The following AGMO variants were observed in gnomAD, a reference collection of about 807,000 sequenced individuals.
The protein encoded by AGMO is glyceryl-ether monooxygenase.
AGMO carries 75 observed loss-of-function variants against 60.2 expected under a neutral mutation model. That is an observed-to-expected ratio of 1.25 (90% CI 1.03 to 1.51). AGMO has a LOEUF of 1.51. Among genes scored for constraint, AGMO ranks in the 40% most tolerant of loss-of-function variants. The probability of loss-of-function intolerance (pLI) is 0.00; values close to 1 mark genes in which losing one functional copy is unlikely to be tolerated. For missense variants in AGMO, 763 were observed against 525.5 expected, an observed-to-expected ratio of 1.45 and a Z score of -4.42; for synonymous variants, 261 against 177.1, an observed-to-expected ratio of 1.47 and a Z score of -3.76.
the AGMO span, among the ~76,000 whole-genome samples, chr7:15,131,387 T>C: frequency 6.6e-6 from 1 of 152,220 alleles, no homozygotes; most frequent in East Asian, 1.9e-4. Flanking sequence ...AGCTCCAACT[T>C]ACAAACCTCA....
At chr7:15,482,607 A>G (rs1782789163) in intron 3 of AGMO, among the ~76,000 whole-genome samples, 1 of 152,316 alleles carries the variant, frequency 6.6e-6, no homozygotes, top group East Asian at 1.9e-4. Flanking sequence ...AGCACTGTAG[A>G]GCAGAAAAAG....
In AGMO at chr7:15,516,338, C is replaced by G. The variant is rs541297992; in HGVS notation, c.409+28434G>C. Among the ~76,000 whole-genome samples the G allele has an allele frequency of 1.8e-4, 28 of 152,182 alleles. 1 individual carries two copies. The South Asian group carries it at 5.8e-3, about 32-fold the overall frequency. ...TTTTAAATGATTCATTTCTATTTTACGGTAAAAATGAATTCATCACAAATG... is the reference window on the plus strand; with the variant it reads ...TTTTAAATGATTCATTTCTATTTTAGGGTAAAAATGAATTCATCACAAATG... On this transcript the variant is annotated intron_variant, in intron 3 of 12. Coordinates refer to ENST00000342526, the MANE Select transcript of AGMO (RefSeq NM_001004320.2).
rs188786158 is a variant in AGMO, at chr7:15,380,318, G to A, written c.1074+5128C>T. The stretch of plus-strand genomic sequence containing the variant: ...GATAAACAACTTCAGCAAAGTCTCC[G>A]GATACAAAATCATATGCAAAAATCA... On this transcript the variant is annotated intron_variant, in intron 10 of 12. Transcript: ENST00000342526. Among the ~76,000 whole-genome samples the A allele has an allele frequency of 7.3e-4, 111 of 152,130 alleles. 1 individual carries two copies. Among genetic ancestry groups the A allele is most frequent in the Admixed American group, 1.4e-3 (22 of 15,268 alleles).
intron 3 of AGMO, among the ~76,000 whole-genome samples, chr7:15,499,039 T>C (rs1583617396): frequency 6.6e-6 from 1 of 151,962 alleles, no homozygotes; most frequent in East Asian, 1.9e-4. Flanking sequence ...CTTCTTATTC[T>C]TGTGTTTAAC....
At chr7:15,281,323 A>C (rs1273026379) in intron 12 of AGMO, among the ~76,000 whole-genome samples, 3 of 152,120 alleles carry the variant, frequency 2.0e-5, no homozygotes, top group African/African-American at 7.2e-5. Context: ...TGGGGCTTCC[A>C]CCATGGGAGC....
chr7:15,386,178 AAAAAG>A (rs1360796357), intron 9 of AGMO, among the ~76,000 whole-genome samples: 3 of 110,548 alleles, frequency 2.7e-5, no homozygotes, highest in Admixed American at 8.9e-5. Flanking sequence ...CAAAAGAAAA[AAAAAG>A]AAAAGAAAAG....
chr7:15,391,727 G>A (rs557924673), intron 6 of AGMO, among the ~76,000 whole-genome samples: 28 of 152,200 alleles, frequency 1.8e-4, no homozygotes, highest in South Asian at 1.5e-3. Context: ...TGCAGACACC[G>A]TTGCTATATA....
intron 12 of AGMO, among the ~76,000 whole-genome samples, chr7:15,231,154 C>T (rs1449060416): frequency 6.6e-6 from 1 of 152,124 alleles, no homozygotes; most frequent in Non-Finnish European, 1.5e-5. Context: ...GCCACCACTC[C>T]CCTGCTTAAT....
intron 5 of AGMO, among the ~76,000 whole-genome samples, chr7:15,395,361 G>C (rs185398044): frequency 4.2e-3 from 634 of 152,220 alleles, no homozygotes; most frequent in Middle Eastern, 6.8e-3. Context: ...AAAAATTTAA[G>C]ATGCATAACT....
At chr7:15,356,187 A>T (rs1168352483) in intron 12 of AGMO, among the ~76,000 whole-genome samples, 1 of 152,212 alleles carries the variant, frequency 6.6e-6, no homozygotes, top group East Asian at 1.9e-4. Flanking sequence ...ACAATCCAGC[A>T]ATTCCCATCT....
intron 9 of AGMO, among the ~76,000 whole-genome samples, chr7:15,387,165 A>G (rs1192080292): frequency 6.6e-6 from 1 of 152,222 alleles, no homozygotes; most frequent in Non-Finnish European, 1.5e-5. Flanking sequence ...CAGCCTCTGC[A>G]GCACTGCTCC....
rs1426618147 is a variant in AGMO, at chr7:15,544,774, T to C, written c.407A>G (p.His136Arg). The C allele has an allele frequency of 6.3e-7, 1 of 1,594,320 alleles. No homozygotes were observed. The highest frequency in any genetic ancestry group is 1.8e-5 in the Admixed American group (1 of 56,446). The change falls in exon 3 of 13, where the codon CAT becomes CGT. Residue 136 changes from histidine (H) to arginine (R), a missense_variant and splice_region_variant. Coordinates refer to ENST00000342526, the MANE Select transcript of AGMO (RefSeq NM_001004320.2). ...FGYYWFHRMAHEVNIMWAGHQ... is the reference protein window; with the variant it reads ...FGYYWFHRMAREVNIMWAGHQ... ...AAAAGTCCTCATTTGCAGCTTACCA[T>C]GAGCCATACGATGGAACCAGTAGTA...
intron 3 of AGMO, among the ~76,000 whole-genome samples, chr7:15,513,318 C>T (rs960606229): frequency 4.8e-5 from 7 of 144,448 alleles, no homozygotes; most frequent in African/African-American, 1.8e-4. Context: ...TGTGGATACA[C>T]CTGGCATTGT....
rs559173383 is a variant in AGMO at position 15,365,706 on chromosome 7, T to C, written c.1158-87A>G. The C allele has an allele frequency of 2.7e-5, 24 of 876,726 alleles. No homozygotes were observed. In the African/African-American group the frequency reaches 3.8e-4, roughly 14 times the overall value. 54.3% of individuals were successfully genotyped at this position (876,726 alleles called of 1,614,324 possible). A position where few individuals can be genotyped will look rare whatever the true frequency, so the allele number is the denominator to read the frequency against. ...TATAATTAATATAAACTTCTCATTC[T>C]CAAGAAATACCTAGTATTTTAATAT... is the stretch of plus-strand genomic sequence containing the variant. On this transcript the variant is annotated intron_variant, in intron 11 of 12. Coordinates refer to ENST00000342526, the MANE Select transcript of AGMO (RefSeq NM_001004320.2).
Position 15,545,034 on chromosome 7 carries a change from CTCTT to C in AGMO, c.258-115_258-112del, listed in dbSNP as rs746378525. On this transcript the variant is annotated intron_variant, in intron 2 of 12. Transcript: ENST00000342526. ...AATATCTTCATATAAAAAAATGAAA[CTCTT>C]TCTTCTACTTTGTGTCTTCTATGTC... is the stretch of plus-strand genomic sequence containing the variant. 1,031 of 753,912 alleles carry C rather than the reference CTCTT, an allele frequency of 1.4e-3. 14 individuals are homozygous for C. Among genetic ancestry groups the C allele is most frequent in the African/African-American group, 2.7e-4 (15 of 54,638 alleles). 46.7% of individuals were successfully genotyped at this position (753,912 alleles called of 1,614,324 possible).
intron 12 of AGMO, among the ~76,000 whole-genome samples, chr7:15,326,834 G>A (rs969314256): frequency 1.3e-5 from 2 of 152,144 alleles, no homozygotes; most frequent in African/African-American, 4.8e-5. Context: ...AACAAAAACA[G>A]AGATTTGGTG....
intron 3 of AGMO, among the ~76,000 whole-genome samples, chr7:15,501,178 T>A (rs1029165085): frequency 3.9e-5 from 6 of 152,008 alleles, no homozygotes; most frequent in Non-Finnish European, 7.4e-5. Flanking sequence ...GCTGGAGCGT[T>A]CCATAAATGT....
At chr7:15,555,888 C>A (rs1048490130) in intron 2 of AGMO, among the ~76,000 whole-genome samples, 2 of 151,958 alleles carry the variant, frequency 1.3e-5, no homozygotes, top group Admixed American at 1.3e-4. Context: ...ATGTAATTAA[C>A]AAACCAACAA....
At chr7:15,319,890 G>A (rs1426395860) in intron 12 of AGMO, among the ~76,000 whole-genome samples, 1 of 152,152 alleles carries the variant, frequency 6.6e-6, no homozygotes, top group Non-Finnish European at 1.5e-5. Flanking sequence ...TTTGGAAAAG[G>A]ATTATCTAGA....
Sources: gnomAD v4.1 joint callset for allele counts (sites outside exome capture counted in the v4.1 genomes callset) on GRCh38, gnomAD v4.1.1 for gene constraint, MANE v1.5 for transcripts, NCBI Gene and HGNC (gene_info 2026-07-23, HGNC 2026-07-21) for gene names.